The following DCC variants were observed in gnomAD, a reference collection of about 807,000 sequenced individuals.
The protein encoded by DCC is DCC netrin 1 receptor.
In DCC, 58 loss-of-function variants were observed where a neutral mutation model predicts 172.5. The observed-to-expected ratio is 0.34, with a 90% confidence interval of 0.27 to 0.42. The LOEUF is 0.42. DCC is among the 10% of genes least tolerant of loss of function. The pLI, the probability that DCC is intolerant of heterozygous loss-of-function variation, is 1.00. For synonymous variants in DCC, 709 were observed against 644.5 expected, an observed-to-expected ratio of 1.10 and a Z score of -1.52; for missense variants, 1,740 against 1,791.0, an observed-to-expected ratio of 0.97 and a Z score of 0.51.
At chr18:52,579,514 T>C (rs957180936) in intron 1 of DCC, among the ~76,000 whole-genome samples, 15 of 152,308 alleles carry the variant, frequency 9.8e-5, no homozygotes, top group African/African-American at 3.4e-4. Flanking sequence ...TCTTTTATTG[T>C]GTAGTTTATA....
chr18:52,412,668 C>T (rs1986882650), intron 1 of DCC, among the ~76,000 whole-genome samples: 1 of 152,078 alleles, frequency 6.6e-6, no homozygotes, highest in African/African-American at 2.4e-5. Context: ...CAAGATTGTT[C>T]AGACTTGCAT....
intron 27 of DCC, among the ~76,000 whole-genome samples, chr18:53,519,454 C>T (rs1481542252): frequency 6.6e-6 from 1 of 151,834 alleles, no homozygotes; most frequent in Non-Finnish European, 1.5e-5. Context: ...TCCAACTTCT[C>T]AGAGCCCCAG....
chr18:53,347,220 C>G (rs73957162), intron 15 of DCC, among the ~76,000 whole-genome samples: 6,650 of 152,292 alleles, frequency 0.044, 474 homozygotes, highest in African/African-American at 0.15. Flanking sequence ...GCTTTCCATA[C>G]TGCAAAATTT....
intron 1 of DCC, among the ~76,000 whole-genome samples, chr18:52,351,171 A>T (rs1218280483): frequency 6.6e-6 from 1 of 152,032 alleles, no homozygotes; most frequent in African/African-American, 2.4e-5. Context: ...CAGGTAAAAA[A>T]AAGTGAGCTC....
chr18:52,559,121 T>G (rs2144736388), intron 1 of DCC, among the ~76,000 whole-genome samples: 1 of 151,762 alleles, frequency 6.6e-6, no homozygotes, highest in East Asian at 1.9e-4. Flanking sequence ...TTTTGTTTTG[T>G]TTTGTTTTGA....
At chr18:53,236,451 CAT>C (rs2056203977) in intron 12 of DCC, among the ~76,000 whole-genome samples, 1 of 152,020 alleles carries the variant, frequency 6.6e-6, no homozygotes, top group Non-Finnish European at 1.5e-5. Context: ...TTTAGGAAAA[CAT>C]TTTAATTATA....
chr18:52,891,491 A>T (rs746702187), intron 2 of DCC, among the ~76,000 whole-genome samples: 2 of 152,026 alleles, frequency 1.3e-5, no homozygotes, highest in South Asian at 2.1e-4. Context: ...AATGATAGAA[A>T]CCTTGGGGGT....
intron 17 of DCC, among the ~76,000 whole-genome samples, chr18:53,394,764 C>T (rs949885439): frequency 3.9e-5 from 6 of 152,082 alleles, no homozygotes; most frequent in East Asian, 1.9e-4. Flanking sequence ...CTGGGCCAAA[C>T]GCTATGCTTT....
At chr18:52,666,899 G>A (rs1023138489) in intron 1 of DCC, among the ~76,000 whole-genome samples, 1 of 152,046 alleles carries the variant, frequency 6.6e-6, no homozygotes, top group Middle Eastern at 3.2e-3. Flanking sequence ...CAGGTATTTT[G>A]ATGAAAAATA....
chr18:53,235,324 C>T (rs1176648398), intron 12 of DCC, among the ~76,000 whole-genome samples: 1 of 152,144 alleles, frequency 6.6e-6, no homozygotes, highest in Non-Finnish European at 1.5e-5. Flanking sequence ...CCATGGAAGC[C>T]TGTCTGCTGT....
intron 9 of DCC, among the ~76,000 whole-genome samples, chr18:53,188,038 T>C (rs780761319): frequency 5.3e-5 from 8 of 152,232 alleles, no homozygotes; most frequent in Non-Finnish European, 1.0e-4. Flanking sequence ...TAGTAACTTG[T>C]ACATTGTCCT....
At chr18:52,820,561 G>A (rs1461020051) in intron 2 of DCC, among the ~76,000 whole-genome samples, 6 of 151,890 alleles carry the variant, frequency 4.0e-5, no homozygotes, top group Admixed American at 3.9e-4. Context: ...GTTTAATTTA[G>A]CCCATTCAGA....
chr18:52,557,161 A>T (rs934232569), intron 1 of DCC, among the ~76,000 whole-genome samples: 1 of 152,188 alleles, frequency 6.6e-6, no homozygotes, highest in Admixed American at 6.6e-5. Flanking sequence ...CACAAGTATA[A>T]TCTTTCTTCA....
At chr18:52,574,683 G>C (rs1047475499) in intron 1 of DCC, among the ~76,000 whole-genome samples, 11 of 152,288 alleles carry the variant, frequency 7.2e-5, no homozygotes, top group Non-Finnish European at 1.2e-4. Context: ...TTTAGGCCAT[G>C]AAAGTAAAGA....
At chr18:52,689,109 A>G (rs898796208) in intron 1 of DCC, among the ~76,000 whole-genome samples, 10 of 152,172 alleles carry the variant, frequency 6.6e-5, no homozygotes, top group South Asian at 2.1e-4. Flanking sequence ...TTTTATCTTT[A>G]TTAGCCATCA....
intron 1 of DCC, among the ~76,000 whole-genome samples, chr18:52,363,580 G>C (rs1984713319): frequency 6.6e-6 from 1 of 152,232 alleles, no homozygotes; most frequent in African/African-American, 2.4e-5. Context: ...TTCTCAGAAA[G>C]TTTGAGAGCA....
chr18:53,021,513 G>C (rs2041881363), intron 5 of DCC, among the ~76,000 whole-genome samples: 1 of 151,918 alleles, frequency 6.6e-6, no homozygotes. Context: ...TCCTCTGAGA[G>C]GAAGTACTGA....
At chr18:53,026,285 C>A (rs530223137) in intron 5 of DCC, among the ~76,000 whole-genome samples, 1 of 151,916 alleles carries the variant, frequency 6.6e-6, no homozygotes, top group African/African-American at 2.4e-5. Context: ...TTGTTTCTTT[C>A]TTTTCTAATA....
chr18:53,027,638 C>A (rs1373791661), intron 5 of DCC, among the ~76,000 whole-genome samples: 1 of 152,150 alleles, frequency 6.6e-6, no homozygotes, highest in Admixed American at 6.6e-5. Flanking sequence ...TGAGATGTCA[C>A]TCATAGCAGC....
Sources: allele counts gnomAD v4.1 joint callset (sites outside exome capture counted in the v4.1 genomes callset), GRCh38; gene constraint gnomAD v4.1.1; transcripts MANE v1.5; gene names NCBI Gene and HGNC (gene_info 2026-07-23, HGNC 2026-07-21).